ATP8B4: variants seen among roughly 807,000 people sequenced by gnomAD.
ATP8B4 encodes probable phospholipid-transporting ATPase IM.
ATP8B4 carries 133 observed loss-of-function variants against 145.6 expected under a neutral mutation model. The observed-to-expected ratio is 0.91, with a 90% CI of 0.79 to 1.05. ATP8B4 has a LOEUF of 1.05. ATP8B4 is among the 50% of genes least tolerant of loss of function. The pLI, the probability that ATP8B4 is intolerant of heterozygous loss-of-function variation, is 0.00. For missense variants in ATP8B4, 1,458 were observed against 1,425.2 expected, an observed-to-expected ratio of 1.02 and a Z score of -0.37; for synonymous variants, 507 against 492.9, an observed-to-expected ratio of 1.03 and a Z score of -0.38.
chr15:49,920,689 T>C (rs1342407586), intron 17 of ATP8B4, among the ~76,000 whole-genome samples: 1 of 152,188 alleles, frequency 6.6e-6, no homozygotes, highest in East Asian at 1.9e-4. Flanking sequence ...TGAGAGGTGA[T>C]CAGTGACACC....
At chr15:49,866,297 G>C (rs749836453) in intron 26 of ATP8B4, 49 bp downstream of exon 26, 1 of 1,583,514 alleles carries the variant, frequency 6.3e-7, no homozygotes, top group Non-Finnish European at 8.6e-7. Context: ...TATAAGACAA[G>C]TAAACAGCAG....
intron 2 of ATP8B4, among the ~76,000 whole-genome samples, chr15:50,080,107 C>A (rs151171955): frequency 5.3e-5 from 8 of 152,108 alleles, no homozygotes; most frequent in African/African-American, 1.9e-4. Context: ...GATAAGTAAG[C>A]CTTCAAAGTG....
At chr15:50,095,361 A>G (rs2055904620) in intron 2 of ATP8B4, among the ~76,000 whole-genome samples, 1 of 152,224 alleles carries the variant, frequency 6.6e-6, no homozygotes, top group Non-Finnish European at 1.5e-5. Flanking sequence ...TTTTTAAGGT[A>G]GATGGCAGAA....
chr15:49,871,744 C>A (rs1372916930), intron 25 of ATP8B4, among the ~76,000 whole-genome samples: 2 of 152,158 alleles, frequency 1.3e-5, no homozygotes, highest in Non-Finnish European at 2.9e-5. Flanking sequence ...CCAAAGCATG[C>A]CAGACACTGG....
Position 50,132,399 on chromosome 15 carries a change from A to G in ATP8B4, c.-42-25391T>C, listed in dbSNP as rs2044059875. ...GGTCATTACAGAAATGCAATTCAAA[A>G]CCACAATAAGACACCATCTCATGCC... On this transcript the variant is annotated intron_variant, in intron 1 of 3. Transcript: ENST00000558829. 2.0e-5 allele frequency among the ~76,000 whole-genome samples: 3 copies of G among 152,340 alleles called. No individual in the cohort carries two copies. In the South Asian group the frequency reaches 6.2e-4, roughly 32 times the overall value.
intron 16 of ATP8B4, among the ~76,000 whole-genome samples, chr15:49,925,076 C>A (rs1473892583): frequency 1.3e-5 from 2 of 151,948 alleles, no homozygotes; most frequent in Non-Finnish European, 2.9e-5. Context: ...TTTTTCAATG[C>A]TGAGTGAGGA....
At chr15:50,113,783 G>A (rs554026115) in intron 1 of ATP8B4, among the ~76,000 whole-genome samples, 2 of 146,164 alleles carry the variant, frequency 1.4e-5, no homozygotes, top group Admixed American at 7.0e-5. Context: ...AGGTTGCGGT[G>A]AGCTGAGATC....
intron 14 of ATP8B4, among the ~76,000 whole-genome samples, chr15:49,945,568 A>G (rs1016287478): frequency 2.0e-5 from 3 of 152,160 alleles, no homozygotes; most frequent in Non-Finnish European, 2.9e-5. Flanking sequence ...AAAAGTATAT[A>G]TAAGCTGATT....
chr15:49,940,084 T>A (rs1042971494), intron 14 of ATP8B4, among the ~76,000 whole-genome samples: 1 of 152,050 alleles, frequency 6.6e-6, no homozygotes, highest in African/African-American at 2.4e-5. Flanking sequence ...CTGCCGAAAA[T>A]ACACATGCAC....
intron 1 of ATP8B4, among the ~76,000 whole-genome samples, chr15:50,133,537 G>A (rs2044078300): frequency 1.3e-5 from 2 of 152,190 alleles, no homozygotes; most frequent in Middle Eastern, 3.4e-3. Flanking sequence ...AGGCTGCAGT[G>A]AGCCATGATC....
intron 23 of ATP8B4, among the ~76,000 whole-genome samples, chr15:49,888,667 C>T (rs1566934554): frequency 6.6e-6 from 1 of 152,162 alleles, no homozygotes. Context: ...AATTGTGAAT[C>T]CAAACCCACA....
At chr15:50,037,165 T>C (rs1224859049) in intron 6 of ATP8B4, among the ~76,000 whole-genome samples, 2 of 152,186 alleles carry the variant, frequency 1.3e-5, no homozygotes, top group African/African-American at 2.4e-5. Flanking sequence ...TTAAAAGATA[T>C]GCTAGAGTTA....
chr15:50,054,783 CAAAAAAAAAAAAAAAAA>C (rs55783703), intron 3 of ATP8B4, among the ~76,000 whole-genome samples: 7 of 81,838 alleles, frequency 8.6e-5, no homozygotes, highest in African/African-American at 2.5e-4. Context: ...GACTCCGCCT[CAAAAAAAAAAAAAAAAA>C]AAAAAAAAAC....
At chr15:49,920,611 G>A (rs543762229) in intron 17 of ATP8B4, among the ~76,000 whole-genome samples, 23 of 152,308 alleles carry the variant, frequency 1.5e-4, no homozygotes, top group African/African-American at 4.8e-4. Flanking sequence ...TTTCTATGAG[G>A]TTAAAACATG....
chr15:50,031,880 G>A (rs955499478), intron 6 of ATP8B4, among the ~76,000 whole-genome samples: 2 of 152,160 alleles, frequency 1.3e-5, no homozygotes, highest in Non-Finnish European at 2.9e-5. Context: ...TTGCTATCAA[G>A]ATGCTACAGA....
chr15:50,086,605 T>C (rs1388423891), intron 2 of ATP8B4, among the ~76,000 whole-genome samples: 1 of 116,210 alleles, frequency 8.6e-6, no homozygotes, highest in Non-Finnish European at 1.6e-5. Flanking sequence ...GATCTATATT[T>C]ATTATATATA....
chr15:49,980,881 GA>G (rs1299933744), intron 11 of ATP8B4, among the ~76,000 whole-genome samples: 1 of 152,100 alleles, frequency 6.6e-6, no homozygotes, highest in Admixed American at 6.5e-5. Flanking sequence ...TACAGGATCT[GA>G]AAAAAAGTAA....
Position 50,034,054 on chromosome 15 carries a change from C to CTT in ATP8B4, c.362+4712_362+4713dup, listed in dbSNP as rs1261712334. ...TGTGTGTGCATTTATGGTAGAATGA[C>CTT]TTATTTTCCACTGGGTGTATATCCA... On this transcript the variant is annotated intron_variant, in intron 6 of 27. Transcript: ENST00000284509. 2.7e-4 allele frequency among the ~76,000 whole-genome samples: 41 copies of CTT among 152,170 alleles called. No individual in the cohort carries two copies. In the East Asian group the frequency reaches 7.3e-3, roughly 27 times the overall value.
chr15:50,016,528 A>G (rs1025430892), intron 6 of ATP8B4, among the ~76,000 whole-genome samples: 39 of 152,292 alleles, frequency 2.6e-4, no homozygotes, highest in African/African-American at 8.7e-4. Context: ...GCACTGCTGG[A>G]CAGAGGGAGC....
Sources: allele counts gnomAD v4.1 joint callset (sites outside exome capture counted in the v4.1 genomes callset), GRCh38; gene constraint gnomAD v4.1.1; transcripts MANE v1.5; gene names NCBI Gene and HGNC (gene_info 2026-07-23, HGNC 2026-07-21).